The following CHRDL1 variants were observed in gnomAD, a reference collection of about 807,000 sequenced individuals.
CHRDL1 encodes chordin like 1.
A neutral mutation model predicts 40.9 loss-of-function variants in CHRDL1; 19 were observed. That is an observed-to-expected ratio of 0.46 (90% CI 0.32 to 0.68). The LOEUF (loss-of-function observed/expected upper bound fraction) is 0.68, where lower values mean the gene tolerates loss of function less well. Among genes scored for constraint, CHRDL1 ranks in the 30% least tolerant of loss-of-function variants. The probability of loss-of-function intolerance (pLI) is 0.03; values close to 1 mark genes in which losing one functional copy is unlikely to be tolerated. For synonymous variants in CHRDL1, 136 were observed against 123.4 expected, an observed-to-expected ratio of 1.10 and a Z score of -0.68; for missense variants, 329 against 352.1, an observed-to-expected ratio of 0.93 and a Z score of 0.53.
In CHRDL1 at chrX:110,759,597, T is replaced by C. The variant is rs906176503; in HGVS notation, c.301+64A>G. The C allele has an allele frequency of 1.9e-5, 15 of 780,252 alleles. No homozygotes were observed. In the African/African-American group the frequency reaches 2.1e-4, roughly 11 times the overall value. 64.3% of individuals were successfully genotyped at this position (780,252 alleles called of 1,213,427 possible). A position where few individuals can be genotyped will look rare whatever the true frequency, so the allele number is the denominator to read the frequency against. The stretch of plus-strand genomic sequence containing the variant: ...CCTTCTGGGGAATTATGGAGATGAG[T>C]TGAGTTGGGTGAAGAGGGAAATGGA... On this transcript the variant is annotated intron_variant, in intron 4 of 11. Coordinates refer to ENST00000372042, the MANE Select transcript of CHRDL1 (RefSeq NM_001143981.2).
In CHRDL1 at chrX:110,689,508, C is replaced by CTA. The variant is rs1556331156; in HGVS notation, c.779-707_779-706dup. 3.8e-4 allele frequency among the ~76,000 whole-genome samples: 16 copies of CTA among 41,822 alleles called. 1 individual carries two copies. Among genetic ancestry groups the CTA allele is most frequent in the African/African-American group, 1.7e-3 (6 of 3,569 alleles). The allele number at this position is 41,822 out of a possible 115,157, so 36.3% of individuals were successfully genotyped here. On this transcript the variant is annotated intron_variant, in intron 8 of 11. Transcript: ENST00000372042. ...TCTATATCTCTATATATCTATATAT[C>CTA]TATATCTCTATATATCTATCTATAT...
intron 6 of CHRDL1, among the ~76,000 whole-genome samples, chrX:110,719,511 T>C (rs1042309095): frequency 2.3e-4 from 26 of 110,893 alleles, no homozygotes; most frequent in Admixed American, 5.8e-4. Context: ...GTCTGTGTTT[T>C]ATGATACAAT....
intron 2 of CHRDL1, among the ~76,000 whole-genome samples, chrX:110,777,944 G>T (rs181348216): frequency 9.0e-6 from 1 of 111,004 alleles, no homozygotes; most frequent in East Asian, 2.8e-4. Context: ...AAGAAGCCCA[G>T]AAATAATGTC....
At chrX:110,728,733 C>G (rs756240849) in intron 4 of CHRDL1, among the ~76,000 whole-genome samples, 92 of 112,289 alleles carry the variant, frequency 8.2e-4, no homozygotes, top group Non-Finnish European at 1.5e-3. Context: ...GGCCTTCTAC[C>G]AGAGCACTGC....
chrX:110,735,901 C>T (rs754427405), intron 4 of CHRDL1, among the ~76,000 whole-genome samples: 2 of 112,448 alleles, frequency 1.8e-5, no homozygotes, highest in African/African-American at 3.2e-5. Context: ...ACTGAAAGAG[C>T]CCATTGCTAT....
intron 6 of CHRDL1, among the ~76,000 whole-genome samples, chrX:110,718,044 G>C (rs1449016227): frequency 8.9e-6 from 1 of 112,166 alleles, no homozygotes; most frequent in Non-Finnish European, 1.9e-5. Context: ...ACAAGACACT[G>C]TGCCAGGTCC....
intron 6 of CHRDL1, among the ~76,000 whole-genome samples, chrX:110,701,903 G>A (rs1218060081): frequency 1.8e-5 from 2 of 111,798 alleles, no homozygotes; most frequent in Non-Finnish European, 3.8e-5. Context: ...GCTTTTAAGG[G>A]CTTGAAAACG....
chrX:110,677,888 T>C (rs1055653221), intron 11 of CHRDL1, among the ~76,000 whole-genome samples: 4 of 111,736 alleles, frequency 3.6e-5, no homozygotes, highest in Non-Finnish European at 7.5e-5. Flanking sequence ...ATTCACCCAG[T>C]CGAGTTATTA....
At position 110,694,261 on chromosome X, in the gene CHRDL1, G is replaced by A; in HGVS notation, c.680C>T (p.Pro227Leu). ...SRQAGGLSRF[P>L]GARSHRGALM... is the part of the protein sequence containing the mutation. ...AGCTCCCCGGTGACTTCTGGCCCCA[G>A]GAAAGCGGGACAGACCTCCAGCCTG... is the stretch of plus-strand genomic sequence containing the variant. Residue 227 changes from proline to leucine, a missense_variant, in exon 8 of 12, where the codon CCT becomes CTT. Pro to Leu is a moderately conservative substitution (Grantham distance 98). Coordinates refer to ENST00000372042, the MANE Select transcript of CHRDL1 (RefSeq NM_001143981.2). 4.1e-6 allele frequency: 5 copies of A among 1,209,484 alleles called. No individual in the cohort carries two copies. The highest frequency in any genetic ancestry group is 5.6e-6 in the Non-Finnish European group (5 of 893,246).
chrX:110,694,885 C>T (rs151205877), intron 7 of CHRDL1, among the ~76,000 whole-genome samples: 2 of 111,708 alleles, frequency 1.8e-5, no homozygotes, highest in Admixed American at 9.5e-5. Flanking sequence ...AAGAGAACAT[C>T]GAGTCCATAA....
chrX:110,692,697 AAC>A (rs2070303149), intron 8 of CHRDL1, among the ~76,000 whole-genome samples: 1 of 112,586 alleles, frequency 8.9e-6, no homozygotes, highest in Admixed American at 9.4e-5. Context: ...ATACAAATCA[AAC>A]ACAGATCGAT....
intron 4 of CHRDL1, among the ~76,000 whole-genome samples, chrX:110,736,667 C>T (rs766702098): frequency 9.0e-6 from 1 of 111,623 alleles, no homozygotes; most frequent in South Asian, 3.8e-4. Context: ...CCACCTCATC[C>T]CTGATTGAGA....
chrX:110,709,318 G>A (rs995739016), intron 6 of CHRDL1, among the ~76,000 whole-genome samples: 6 of 111,847 alleles, frequency 5.4e-5, no homozygotes, highest in African/African-American at 2.0e-4. Context: ...GGGAATACCC[G>A]GCTTAAGGGA....
chrX:110,705,304 T>TATATATATATATATATAC (rs1491498596), intron 6 of CHRDL1, among the ~76,000 whole-genome samples: 8 of 77,617 alleles, frequency 1.0e-4, no homozygotes, highest in African/African-American at 4.5e-4. Flanking sequence ...TATATATATA[T>TATATATATATATATATAC]ACACACACAC....
rs184441248 is a variant in CHRDL1 at position 110,679,790 on chromosome X, C to T, written c.1157-365G>A. Among the ~76,000 whole-genome samples the T allele has an allele frequency of 3.6e-5, 4 of 112,097 alleles. No individual in the cohort carries two copies. In the East Asian group the frequency reaches 1.1e-3, roughly 32 times the overall value. ...TGCACTTGCCCCCAACCTGGATAGA[C>T]TGTGTCCATGCCAAACCGCTGGGCT... On this transcript the variant is annotated intron_variant, in intron 10 of 11. Transcript: ENST00000372042.
chrX:110,699,293 G>A (rs976232990), intron 7 of CHRDL1, among the ~76,000 whole-genome samples: 3 of 111,544 alleles, frequency 2.7e-5, no homozygotes, highest in African/African-American at 9.8e-5. Context: ...AGTGGCCCAT[G>A]TGATGACCAG....
At chrX:110,685,886 AT>A (rs72389100) in intron 9 of CHRDL1, among the ~76,000 whole-genome samples, 302 of 82,756 alleles carry the variant, frequency 3.6e-3, no homozygotes, top group African/African-American at 6.8e-3. Flanking sequence ...TTTTTAGCCA[AT>A]TTTTTTTTTT....
At chrX:110,774,117 T>G (rs1472576329) in intron 2 of CHRDL1, among the ~76,000 whole-genome samples, 1 of 112,034 alleles carries the variant, frequency 8.9e-6, no homozygotes, top group Non-Finnish European at 1.9e-5. Flanking sequence ...TATTAATATG[T>G]AATGCCCCCC....
In CHRDL1 at chrX:110,725,236, C is replaced by T. The variant is rs188937347; in HGVS notation, c.302-3706G>A. Among the ~76,000 whole-genome samples, 4 of 112,169 alleles carry T rather than the reference C, an allele frequency of 3.6e-5. No individual in the cohort carries two copies. In the East Asian group the frequency reaches 1.1e-3, roughly 32 times the overall value. On this transcript the variant is annotated intron_variant, in intron 4 of 11. Transcript: ENST00000372042. ...GGGATGATCTCATATGTAAGCAGAA[C>T]TATGATTTCCGGGATGCTCAGAAAA...
Sources: allele counts gnomAD v4.1 joint callset (sites outside exome capture counted in the v4.1 genomes callset), GRCh38; gene constraint gnomAD v4.1.1; transcripts MANE v1.5; gene names NCBI Gene and HGNC (gene_info 2026-07-23, HGNC 2026-07-21).